Variants in UBE2K observed in about 807,000 individuals in gnomAD.
The protein encoded by UBE2K is ubiquitin-conjugating enzyme E2 K.
UBE2K carries 6 observed loss-of-function variants against 30.0 expected under a neutral mutation model. That is an observed-to-expected ratio of 0.20 (90% CI 0.11 to 0.39). The LOEUF (loss-of-function observed/expected upper bound fraction) is 0.39, where lower values mean the gene tolerates loss of function less well. Ranked by LOEUF, UBE2K falls within the 10% of genes least tolerant of loss-of-function variation. The pLI, the probability that UBE2K is intolerant of heterozygous loss-of-function variation, is 1.00. For missense variants in UBE2K, 61 were observed against 241.6 expected (o/e 0.25, Z 4.96); for synonymous variants, 86 against 83.7 (o/e 1.03, Z -0.15).
chr4:39,781,110 G>A lies in UBE2K; in HGVS notation c.*2676G>A, dbSNP rs1713584799. ...TTTCAGTACTGATGAATGAATGAAT[G>A]AATGAATGGCAGTTAGTGGACCCAA... On this transcript the variant is annotated 3_prime_UTR_variant, in exon 7 of 7. Coordinates refer to ENST00000261427, the MANE Select transcript of UBE2K (RefSeq NM_005339.5). The A allele has an allele frequency of 1.3e-5, 2 of 152,076 alleles. No homozygotes were observed. 9.4% of individuals were successfully genotyped at this position (152,076 alleles called of 1,614,324 possible).
intron 1 of UBE2K, among the ~76,000 whole-genome samples, chr4:39,723,643 C>T (rs1182695665): frequency 6.6e-6 from 1 of 152,170 alleles, no homozygotes; most frequent in Non-Finnish European, 1.5e-5. Flanking sequence ...GCTAGGATTA[C>T]AGGCGTGAGC....
At chr4:39,770,597 C>G (rs1480396192) in intron 4 of UBE2K, 1 of 1,585,536 alleles carries the variant, frequency 6.3e-7, no homozygotes, top group Non-Finnish European at 8.6e-7. Context: ...CCCGGCCTCC[C>G]GGAGTCAACA....
In UBE2K at chr4:39,779,739, A is replaced by G. The variant is rs565224098; in HGVS notation, c.*1305A>G. On this transcript the variant is annotated 3_prime_UTR_variant, in exon 7 of 7. Transcript: ENST00000261427. ...AGTGGATTTATGCAGGCAGTTCTAT[A>G]TATAGAAATACAATTCTTTTTAAAT... 1.5e-4 allele frequency: 23 copies of G among 152,310 alleles called. No homozygotes were observed. The highest frequency in any genetic ancestry group is 2.6e-4 in the Non-Finnish European group (18 of 68,024). The allele number at this position is 152,310 out of a possible 1,614,324, so 9.4% of individuals were successfully genotyped here. A position where few individuals can be genotyped will look rare whatever the true frequency, so the allele number is the denominator to read the frequency against.
At chr4:39,721,557 G>A (rs572449700) in intron 1 of UBE2K, among the ~76,000 whole-genome samples, 11 of 151,606 alleles carry the variant, frequency 7.3e-5, no homozygotes, top group East Asian at 3.9e-4. Context: ...GGGTTTCACC[G>A]TGTTGCCCAG....
chr4:39,724,565 G>A (rs540700498), intron 1 of UBE2K, among the ~76,000 whole-genome samples: 1 of 109,504 alleles, frequency 9.1e-6, no homozygotes, highest in African/African-American at 3.7e-5. Flanking sequence ...TGGGCAACAT[G>A]GTAAAACCCC....
chr4:39,762,973 C>T (rs529687754), intron 4 of UBE2K, among the ~76,000 whole-genome samples: 3 of 106,402 alleles, frequency 2.8e-5, no homozygotes, highest in East Asian at 3.2e-4. Context: ...TGGAGACTGT[C>T]GCCCAAGCTG....
chr4:39,714,533 TATATATATA>T lies in UBE2K; in HGVS notation c.63+16144_63+16152del, dbSNP rs1351271448. 8 of 33,382 alleles carry T rather than the reference TATATATATA, an allele frequency of 2.4e-4. No individual in the cohort carries two copies. In the South Asian group the frequency reaches 5.7e-3, roughly 24 times the overall value. 2.1% of individuals were successfully genotyped at this position (33,382 alleles called of 1,614,324 possible). On this transcript the variant is annotated intron_variant, in intron 1 of 6. Transcript: ENST00000261427. ...TAGAAGTTTCATATATATATATATA[TATATATATA>T]TATATATATTTTTTTTTTTTTTTAA...
chr4:39,703,283 C>G (rs1664988513), intron 1 of UBE2K, among the ~76,000 whole-genome samples: 1 of 151,884 alleles, frequency 6.6e-6, no homozygotes. Flanking sequence ...TTTTAGGAGG[C>G]TGAGACTCGA....
At chr4:39,706,097 C>T (rs1425130070) in intron 1 of UBE2K, among the ~76,000 whole-genome samples, 5 of 152,144 alleles carry the variant, frequency 3.3e-5, no homozygotes, top group South Asian at 2.1e-4. Flanking sequence ...CTGCAAGCTC[C>T]GCCTCTCAGG....
chr4:39,757,755 A>G (rs948813442), intron 4 of UBE2K, among the ~76,000 whole-genome samples: 5 of 152,190 alleles, frequency 3.3e-5, no homozygotes, highest in African/African-American at 1.2e-4. Flanking sequence ...ATATGAATAC[A>G]TATTTGCAGT....
intron 1 of UBE2K, among the ~76,000 whole-genome samples, chr4:39,734,824 A>G (rs1330280102): frequency 2.0e-5 from 3 of 152,146 alleles, no homozygotes; most frequent in Admixed American, 6.5e-5. Context: ...ACAAATAATA[A>G]TAATTTGGGG....
At position 39,746,775 on chromosome 4, in the gene UBE2K, A is replaced by G. The variant is rs190351838; in HGVS notation, c.216+965A>G. 1.3e-4 allele frequency among the ~76,000 whole-genome samples: 20 copies of G among 152,328 alleles called. No homozygotes were observed. In the East Asian group the frequency reaches 3.3e-3, roughly 25 times the overall value. On this transcript the variant is annotated intron_variant, in intron 3 of 6. Transcript: ENST00000261427. ...CTATTATTTAAAATTCTAGTTTTCTATGAGGCCCGAGTATCACTTTCTTCA... is the reference window on the plus strand; with the variant it reads ...CTATTATTTAAAATTCTAGTTTTCTGTGAGGCCCGAGTATCACTTTCTTCA...
chr4:39,756,094 A>G (rs1166628610), intron 4 of UBE2K, among the ~76,000 whole-genome samples: 1 of 152,234 alleles, frequency 6.6e-6, no homozygotes, highest in Non-Finnish European at 1.5e-5. Flanking sequence ...ATGGAATGTA[A>G]GTTACAAAAT....
chr4:39,698,209 G>A lies in UBE2K; in HGVS notation c.-119G>A. On this transcript the variant is annotated 5_prime_UTR_variant, in exon 1 of 7. Coordinates refer to ENST00000261427, the MANE Select transcript of UBE2K (RefSeq NM_005339.5). ...CGGCGGCCGGGGTGGTAGTGGCAGT[G>A]TTCGTGTGCTCAGGTCTGAATCGCC... 2.0e-6 allele frequency: 2 copies of A among 979,256 alleles called. No homozygotes were observed. The highest frequency in any genetic ancestry group is 2.0e-5 in the Admixed American group (1 of 50,246). 60.7% of individuals were successfully genotyped at this position (979,256 alleles called of 1,614,324 possible).
intron 1 of UBE2K, among the ~76,000 whole-genome samples, chr4:39,731,452 G>C (rs537076063): frequency 6.6e-6 from 1 of 152,160 alleles, no homozygotes; most frequent in East Asian, 1.9e-4. Flanking sequence ...AGCCGAGGCA[G>C]GTGGATCACC....
chr4:39,747,974 G>T (rs571372524), intron 3 of UBE2K, among the ~76,000 whole-genome samples: 1 of 151,936 alleles, frequency 6.6e-6, no homozygotes, highest in East Asian at 1.9e-4. Context: ...GCTAATTTTT[G>T]TATTTTTAGT....
chr4:39,737,431 T>C lies in UBE2K; in HGVS notation c.75T>C (p.Asn25=), dbSNP rs375761297. The C allele has an allele frequency of 1.2e-5, 18 of 1,552,206 alleles. No individual in the cohort carries two copies. The highest frequency in any genetic ancestry group is 2.4e-5 in the East Asian group (1 of 41,934). Residue 25 remains asparagine (N), a synonymous_variant, in exon 2 of 7, where the codon AAT becomes AAC. Transcript: ENST00000261427. The stretch of plus-strand genomic sequence containing the variant: ...TGTTTATTTTTAAGACGAGCAAAAA[T>C]CAAATTAAAGTAGATCTTGTAGATG... ...EVLKSEETSK[N]QIKVDLVDEN...
At chr4:39,776,475 A>G (rs894555801) in intron 5 of UBE2K, among the ~76,000 whole-genome samples, 9 of 152,098 alleles carry the variant, frequency 5.9e-5, no homozygotes, top group Non-Finnish European at 1.3e-4. Context: ...ACTTGAGTCC[A>G]GATTCTTTAG....
intron 1 of UBE2K, among the ~76,000 whole-genome samples, chr4:39,699,699 A>G (rs184078795): frequency 1.2e-4 from 18 of 152,358 alleles, no homozygotes; most frequent in Admixed American, 6.5e-4. Context: ...AATAGTGTCA[A>G]TAATAATTTG....
Sources: gnomAD v4.1 joint callset for allele counts (sites outside exome capture counted in the v4.1 genomes callset) on GRCh38, gnomAD v4.1.1 for gene constraint, MANE v1.5 for transcripts, NCBI Gene and HGNC (gene_info 2026-07-23, HGNC 2026-07-21) for gene names.